Variants in CLCN5 observed in about 807,000 individuals in gnomAD.
CLCN5 encodes the protein Cl-/H+ antiporter 5, also known as H(+)/Cl(-) exchange transporter 5.
In CLCN5, 17 loss-of-function variants were observed where a neutral mutation model predicts 54.0. The observed-to-expected ratio is 0.31, with a 90% CI of 0.22 to 0.47. The LOEUF (loss-of-function observed/expected upper bound fraction) is 0.47. Among genes scored for constraint, CLCN5 ranks in the 20% least tolerant of loss-of-function variants. CLCN5 has a pLI of 1.00. For missense variants in CLCN5, 448 were observed against 646.7 expected (o/e 0.69, Z 3.33); for synonymous variants, 222 against 233.0 (o/e 0.95, Z 0.43).
At position 50,034,478 on chromosome X, in the gene CLCN5, C is replaced by G. The variant is rs142458251; in HGVS notation, c.17-7838C>G. On this transcript the variant is annotated intron_variant, in intron 3 of 14. Coordinates refer to ENST00000376091, the MANE Select transcript of CLCN5 (RefSeq NM_001127898.4). Reference sequence around the variant, plus strand: ...GGCATATATTACTTACCCAGAATGCCATGTATAGGTCAACAGATACTTTTG... The same window carrying G: ...GGCATATATTACTTACCCAGAATGCGATGTATAGGTCAACAGATACTTTTG... 3.7e-3 allele frequency among the ~76,000 whole-genome samples: 413 copies of G among 111,379 alleles called. 2 individuals are homozygous for G. The highest frequency in any genetic ancestry group is 0.013 in the African/African-American group (383 of 30,610).
At chrX:49,923,865 A>T (rs1163587034) in intron 2 of CLCN5, 1 of 112,518 alleles carries the variant, frequency 8.9e-6, no homozygotes, top group African/African-American at 3.2e-5. Flanking sequence ...GGCCAACACG[A>T]TTCTCAAGCT....
intron 3 of CLCN5, among the ~76,000 whole-genome samples, chrX:49,991,422 C>T (rs917370043): frequency 9.9e-5 from 11 of 111,456 alleles, no homozygotes; most frequent in Non-Finnish European, 1.3e-4. Flanking sequence ...TTGATTTGTT[C>T]GAGTTCTGTG....
At chrX:50,029,120 T>A (rs1344974413) in intron 3 of CLCN5, among the ~76,000 whole-genome samples, 1 of 112,437 alleles carries the variant, frequency 8.9e-6, no homozygotes, top group Non-Finnish European at 1.9e-5. Flanking sequence ...TTAGCAACTA[T>A]TAAGTTCAAA....
intron 7 of CLCN5, among the ~76,000 whole-genome samples, chrX:50,080,253 AATGACATGGAATCATAT>A (rs1172020449): frequency 9.0e-6 from 1 of 111,210 alleles, no homozygotes; most frequent in Admixed American, 9.6e-5. Flanking sequence ...CTCTTGGTAA[AATGACATGGAATCATAT>A]ATATTTGACT....
chrX:49,987,717 G>A (rs1929050839), intron 3 of CLCN5, among the ~76,000 whole-genome samples: 1 of 111,325 alleles, frequency 9.0e-6, no homozygotes, highest in Admixed American at 9.5e-5. Flanking sequence ...AACAGAGGGG[G>A]CATCTTAATT....
At chrX:50,083,858 G>C (rs912567453) in intron 9 of CLCN5, among the ~76,000 whole-genome samples, 1 of 112,043 alleles carries the variant, frequency 8.9e-6, no homozygotes, top group African/African-American at 3.2e-5. Context: ...ATTGTTGCTG[G>C]TTTTGCATGG....
intron 4 of CLCN5, 69 bp from the exon 5 acceptor site, chrX:50,069,810 A>G: frequency 1.7e-5 from 19 of 1,115,498 alleles, no homozygotes; most frequent in Non-Finnish European, 2.2e-5. Context: ...GCCTTTTGGA[A>G]CCAAAAAGAA....
At chrX:50,060,328 G>A (rs1932832945) in intron 4 of CLCN5, among the ~76,000 whole-genome samples, 1 of 110,790 alleles carries the variant, frequency 9.0e-6, no homozygotes, top group African/African-American at 3.3e-5. Flanking sequence ...AGCAGGGCGA[G>A]GCATTGCCTC....
intron 3 of CLCN5, among the ~76,000 whole-genome samples, chrX:49,971,774 G>C (rs1362587650): frequency 8.9e-6 from 1 of 111,967 alleles, no homozygotes; most frequent in Non-Finnish European, 1.9e-5. Context: ...CTGCTCTACT[G>C]TTCGTGCTAA....
rs1406700969 is a variant in CLCN5 at position 49,989,653 on chromosome X, A to G, written c.17-52663A>G. ...TGTGACATAACCTTTTGGCTACTGT[A>G]TGGTGCTGACTATGGCACAGGTTTT... On this transcript the variant is annotated intron_variant, in intron 3 of 14. Transcript: ENST00000376091. Among the ~76,000 whole-genome samples the G allele has an allele frequency of 8.2e-4, 92 of 112,009 alleles. 1 individual carries two copies. The highest frequency in any genetic ancestry group is 1.3e-4 in the Non-Finnish European group (7 of 53,192).
intron 4 of CLCN5, among the ~76,000 whole-genome samples, chrX:50,062,914 T>G: frequency 9.2e-6 from 1 of 108,111 alleles, no homozygotes; most frequent in Non-Finnish European, 1.9e-5. Context: ...GACTACTGGG[T>G]AAATAACGAA....
intron 3 of CLCN5, among the ~76,000 whole-genome samples, chrX:49,977,774 A>G (rs1348713518): frequency 8.9e-6 from 1 of 111,831 alleles, no homozygotes; most frequent in African/African-American, 3.3e-5. Flanking sequence ...CCCCCTCCAG[A>G]AGCCCAGGCT....
intron 6 of CLCN5, among the ~76,000 whole-genome samples, chrX:50,075,556 C>T (rs1933371176): frequency 9.0e-6 from 1 of 111,243 alleles, no homozygotes; most frequent in Admixed American, 9.6e-5. Context: ...TTTGCTTTCC[C>T]TAAGTCCCTT....
intron 7 of CLCN5, among the ~76,000 whole-genome samples, chrX:50,077,619 A>AGAGT (rs1362733357): frequency 1.1e-5 from 1 of 88,383 alleles, no homozygotes; most frequent in East Asian, 3.2e-4. Flanking sequence ...AGAGAGAGAG[A>AGAGT]GAGTGTGTGT....
At chrX:50,073,945 C>T (rs1214044627) in intron 6 of CLCN5, among the ~76,000 whole-genome samples, 1 of 111,581 alleles carries the variant, frequency 9.0e-6, no homozygotes, top group East Asian at 2.8e-4. Context: ...AACTCTGCCC[C>T]TTCTGGCTCT....
intron 1 of CLCN5, 59 bp from the exon 2 acceptor site, chrX:49,923,348 C>T (rs926354994): frequency 8.8e-6 from 1 of 113,044 alleles, no homozygotes; most frequent in Admixed American, 9.3e-5. Flanking sequence ...GCGCCTTGAT[C>T]CACACGGGAA....
chrX:49,955,926 C>G (rs1295298623), intron 3 of CLCN5, among the ~76,000 whole-genome samples: 1 of 111,835 alleles, frequency 8.9e-6, no homozygotes, highest in Non-Finnish European at 1.9e-5. Context: ...GACTGATCTT[C>G]TAATGGATCT....
chrX:50,062,705 A>AT (rs1557190141), intron 4 of CLCN5, among the ~76,000 whole-genome samples: 1 of 99,086 alleles, frequency 1.0e-5, no homozygotes, highest in Non-Finnish European at 1.9e-5. Flanking sequence ...CAGAATATAC[A>AT]TTTTTTTCAG....
chrX:50,046,260 G>GCATT (rs1324093656), intron 4 of CLCN5, among the ~76,000 whole-genome samples: 8 of 112,234 alleles, frequency 7.1e-5, no homozygotes, highest in Non-Finnish European at 1.3e-4. Flanking sequence ...GGTCAGCAGT[G>GCATT]CATTCATTCA....
Sources: allele counts gnomAD v4.1 joint callset (sites outside exome capture counted in the v4.1 genomes callset), GRCh38; gene constraint gnomAD v4.1.1; transcripts MANE v1.5; gene names NCBI Gene and HGNC (gene_info 2026-07-23, HGNC 2026-07-21).